Variants in CACNA2D2 observed in about 807,000 individuals in gnomAD.
CACNA2D2 encodes the protein calcium voltage-gated channel auxiliary subunit alpha2delta 2.
CACNA2D2 carries 48 observed loss-of-function variants against 166.4 expected under a neutral mutation model. That is an observed-to-expected ratio of 0.29 (90% confidence interval 0.23 to 0.37). The LOEUF is 0.37. CACNA2D2 is among the 10% of genes least tolerant of loss of function. The pLI is 1.00. For missense variants in CACNA2D2, 1,122 were observed against 1,433.0 expected, an observed-to-expected ratio of 0.78 and a Z score of 3.50; for synonymous variants, 561 against 573.7, an observed-to-expected ratio of 0.98 and a Z score of 0.32.
chr3:50,486,888 G>A (rs991053131), intron 1 of CACNA2D2, among the ~76,000 whole-genome samples: 2 of 152,224 alleles, frequency 1.3e-5, no homozygotes, highest in African/African-American at 4.8e-5. Context: ...ACCTCACTCT[G>A]CAGTAGAAGA....
At chr3:50,387,748 C>T (rs587770717) in intron 4 of CACNA2D2, 136 bp from the exon 5 acceptor site, 17 of 693,576 alleles carry the variant, frequency 2.5e-5, no homozygotes, top group South Asian at 7.4e-5. Flanking sequence ...CCAGAGCCCC[C>T]CTCCTGGAAG....
chr3:50,389,175 G>C (rs879440993), intron 4 of CACNA2D2, among the ~76,000 whole-genome samples: 1 of 152,178 alleles, frequency 6.6e-6, no homozygotes, highest in Non-Finnish European at 1.5e-5. Context: ...GGCGGAGGCC[G>C]GGCCCAAGCT....
intron 2 of CACNA2D2, among the ~76,000 whole-genome samples, chr3:50,438,514 C>T (rs189434144): frequency 8.5e-5 from 13 of 152,280 alleles, no homozygotes; most frequent in Non-Finnish European, 1.5e-4. Context: ...AAGTGGGAGG[C>T]GAGCCTGGAG....
chr3:50,485,833 T>G (rs912664385), intron 1 of CACNA2D2, among the ~76,000 whole-genome samples: 1 of 152,128 alleles, frequency 6.6e-6, no homozygotes, highest in South Asian at 2.1e-4. Context: ...AGCTGGGATA[T>G]AGCAATCAGC....
At chr3:50,396,666 T>C (rs1322279880) in intron 3 of CACNA2D2, among the ~76,000 whole-genome samples, 2 of 152,184 alleles carry the variant, frequency 1.3e-5, no homozygotes, top group Non-Finnish European at 2.9e-5. Flanking sequence ...GCACCTGCAG[T>C]ACAGCAGGTG....
At chr3:50,484,550 T>C (rs1367777350) in intron 1 of CACNA2D2, among the ~76,000 whole-genome samples, 1 of 152,182 alleles carries the variant, frequency 6.6e-6, no homozygotes, top group East Asian at 1.9e-4. Context: ...CTGTTCCCTC[T>C]GCCTGAAACT....
chr3:50,368,445 CTT>C (rs1704471669), intron 23 of CACNA2D2, among the ~76,000 whole-genome samples: 1 of 152,258 alleles, frequency 6.6e-6, no homozygotes, highest in Admixed American at 6.5e-5. Flanking sequence ...TGAGGGTCTA[CTT>C]TCTCCATTCG....
chr3:50,406,169 A>G (rs1706699202), intron 3 of CACNA2D2, among the ~76,000 whole-genome samples: 1 of 151,798 alleles, frequency 6.6e-6, no homozygotes, highest in South Asian at 2.1e-4. Flanking sequence ...ACACGAACCC[A>G]TTGGAGAAGA....
chr3:50,417,793 C>T (rs1005989433), intron 3 of CACNA2D2, among the ~76,000 whole-genome samples: 2 of 152,302 alleles, frequency 1.3e-5, no homozygotes, highest in East Asian at 3.9e-4. Context: ...TACTCATCTA[C>T]TTTGCTTCCT....
At chr3:50,478,317 G>A (rs544304902) in intron 1 of CACNA2D2, among the ~76,000 whole-genome samples, 1 of 152,320 alleles carries the variant, frequency 6.6e-6, no homozygotes, top group Non-Finnish European at 1.5e-5. Flanking sequence ...GGACAACATA[G>A]CGGATGGCTC....
rs1356601942 is a variant in CACNA2D2, at chr3:50,427,995, G to C, written c.405+6318C>G. On this transcript the variant is annotated intron_variant, in intron 3 of 37. Coordinates refer to ENST00000424201, the MANE Select transcript of CACNA2D2 (RefSeq NM_006030.4). The surrounding 1 kb of genome is among the most constrained non-coding windows in gnomAD (Gnocchi z 4.7). ...AGCCTTCCTGTGACCTCTTTGGACT[G>C]AAGGGATCTTTCTCCTGCTGGCCCT... 6.6e-6 allele frequency among the ~76,000 whole-genome samples: 1 copy of C among 152,150 alleles called. No homozygotes were observed. Among genetic ancestry groups the C allele is most frequent in the Non-Finnish European group, 1.5e-5 (1 of 68,030 alleles).
chr3:50,378,184 G>A (rs1473124949), intron 14 of CACNA2D2, 87 bp from the exon 15 acceptor site: 4 of 1,567,844 alleles, frequency 2.6e-6, no homozygotes, highest in African/African-American at 1.4e-5. Flanking sequence ...TTGTGCCCCA[G>A]CCACTGTGAG....
chr3:50,408,691 C>T (rs553522014), intron 3 of CACNA2D2, among the ~76,000 whole-genome samples: 1 of 152,284 alleles, frequency 6.6e-6, no homozygotes, highest in East Asian at 1.9e-4. Flanking sequence ...CTAATGGCTT[C>T]TGCTTGCTGC....
At chr3:50,453,611 G>A (rs185600611) in intron 2 of CACNA2D2, among the ~76,000 whole-genome samples, 6 of 152,294 alleles carry the variant, frequency 3.9e-5, no homozygotes, top group Admixed American at 3.3e-4. Context: ...CAACTGGCCC[G>A]TCCAGCGTCC....
At chr3:50,450,937 C>A (rs948661810) in intron 2 of CACNA2D2, among the ~76,000 whole-genome samples, 1 of 152,156 alleles carries the variant, frequency 6.6e-6, no homozygotes, top group Non-Finnish European at 1.5e-5. Flanking sequence ...GCTGTCTCCC[C>A]GCCTACATGG....
At chr3:50,475,183 C>A (rs374856417) in intron 2 of CACNA2D2, among the ~76,000 whole-genome samples, 1 of 152,226 alleles carries the variant, frequency 6.6e-6, no homozygotes, top group Non-Finnish European at 1.5e-5. Flanking sequence ...ACGGTCCCTG[C>A]CCCACCGAGG....
At chr3:50,491,980 G>A (rs1698539615) in intron 1 of CACNA2D2, among the ~76,000 whole-genome samples, 1 of 152,230 alleles carries the variant, frequency 6.6e-6, no homozygotes. Flanking sequence ...CTAGGTTCCT[G>A]GCCACAGTGG....
At chr3:50,390,227 A>G (rs1254185942) in intron 4 of CACNA2D2, among the ~76,000 whole-genome samples, 1 of 152,188 alleles carries the variant, frequency 6.6e-6, no homozygotes, top group Non-Finnish European at 1.5e-5. Context: ...ACTGAGGCTG[A>G]GCCAAAAAGG....
At chr3:50,457,698 T>G (rs1187548739) in intron 2 of CACNA2D2, among the ~76,000 whole-genome samples, 2 of 152,208 alleles carry the variant, frequency 1.3e-5, no homozygotes, top group Non-Finnish European at 2.9e-5. Flanking sequence ...TTTCATCACT[T>G]GCAGCAATGA....
Sources: gnomAD v4.1 joint callset for allele counts (sites outside exome capture counted in the v4.1 genomes callset) on GRCh38, gnomAD v4.1.1 for gene constraint, Gnocchi (gnomAD v3.1) non-coding constraint, MANE v1.5 for transcripts, NCBI Gene and HGNC (gene_info 2026-07-23, HGNC 2026-07-21) for gene names.